Variants in LRBA observed in about 807,000 individuals in gnomAD.
LRBA encodes lipopolysaccharide-responsive and beige-like anchor protein.
In LRBA, 176 loss-of-function variants were observed where a neutral mutation model predicts 330.0. The ratio of observed to expected loss-of-function variants is 0.53; its 90% CI spans 0.47 to 0.60. The LOEUF (loss-of-function observed/expected upper bound fraction) is 0.60, where lower values mean the gene tolerates loss of function less well. Among genes scored for constraint, LRBA ranks in the 20% least tolerant of loss-of-function variants. The pLI is 0.00. For missense variants in LRBA, 3,259 were observed against 3,444.8 expected (o/e 0.95, Z 1.35); for synonymous variants, 1,230 against 1,193.0 (o/e 1.03, Z -0.64).
chr4:150,755,433 T>A (rs1383498473), intron 35 of LRBA, among the ~76,000 whole-genome samples: 1 of 152,202 alleles, frequency 6.6e-6, no homozygotes, highest in African/African-American at 2.4e-5. Flanking sequence ...GCAGCACATC[T>A]AAAAGTAAAG....
chr4:150,375,029 A>G (rs1741033953), intron 47 of LRBA, among the ~76,000 whole-genome samples: 1 of 152,166 alleles, frequency 6.6e-6, no homozygotes, highest in Non-Finnish European at 1.5e-5. Flanking sequence ...ATTTTGAGAA[A>G]CCTGCAGGCT....
At chr4:150,625,532 A>G (rs1776760659) in intron 37 of LRBA, among the ~76,000 whole-genome samples, 1 of 152,034 alleles carries the variant, frequency 6.6e-6, no homozygotes, top group South Asian at 2.1e-4. Context: ...AACCTGCTCC[A>G]CTGTTCACAA....
At chr4:150,891,916 C>T (rs1257956139) in intron 17 of LRBA, among the ~76,000 whole-genome samples, 2 of 152,136 alleles carry the variant, frequency 1.3e-5, no homozygotes, top group African/African-American at 4.8e-5. Flanking sequence ...CATGGTGAGA[C>T]TTTGTCTCTA....
At chr4:150,876,920 T>A (rs748165230) in intron 17 of LRBA, among the ~76,000 whole-genome samples, 34 of 152,130 alleles carry the variant, frequency 2.2e-4, no homozygotes, top group Non-Finnish European at 3.7e-4. Context: ...AATGGCATAT[T>A]GGATAAAAAA....
chr4:150,734,266 A>T (rs1730892881), intron 36 of LRBA, among the ~76,000 whole-genome samples: 1 of 152,002 alleles, frequency 6.6e-6, no homozygotes, highest in Non-Finnish European at 1.5e-5. Context: ...GCAGGTAGAT[A>T]TCCTAAAGTA....
At chr4:150,689,449 A>G (rs2126944320) in intron 36 of LRBA, among the ~76,000 whole-genome samples, 1 of 152,218 alleles carries the variant, frequency 6.6e-6, no homozygotes, top group African/African-American at 2.4e-5. Flanking sequence ...CCCAGAACTT[A>G]AAGTATAATA....
intron 37 of LRBA, among the ~76,000 whole-genome samples, chr4:150,640,642 T>A (rs1176747669): frequency 5.3e-5 from 8 of 152,158 alleles, no homozygotes; most frequent in Non-Finnish European, 1.0e-4. Context: ...TAAATATATC[T>A]CCTGCTCACC....
At chr4:150,266,831 A>C (rs879427640) in intron 56 of LRBA, among the ~76,000 whole-genome samples, 1 of 152,224 alleles carries the variant, frequency 6.6e-6, no homozygotes, top group Non-Finnish European at 1.5e-5. Context: ...CCCACTTGAG[A>C]TCTAAAGACA....
intron 40 of LRBA, among the ~76,000 whole-genome samples, chr4:150,501,034 C>CT (rs1385494063): frequency 6.6e-6 from 1 of 152,162 alleles, no homozygotes; most frequent in East Asian, 1.9e-4. Context: ...AAATGCTATG[C>CT]TCACATTTGC....
At chr4:151,009,714 C>T (rs987273483) in intron 2 of LRBA, among the ~76,000 whole-genome samples, 1 of 152,148 alleles carries the variant, frequency 6.6e-6, no homozygotes, top group Admixed American at 6.6e-5. Flanking sequence ...GGCGCGGTGG[C>T]TCACGCCTGT....
intron 40 of LRBA, among the ~76,000 whole-genome samples, chr4:150,550,178 AAAACTTT>A (rs1181546890): frequency 2.6e-5 from 4 of 152,336 alleles, no homozygotes; most frequent in African/African-American, 7.2e-5. Context: ...TATGTAAAGT[AAAACTTT>A]AAACACTGTA....
At chr4:150,971,692 T>C (rs1365125799) in intron 2 of LRBA, among the ~76,000 whole-genome samples, 1 of 152,190 alleles carries the variant, frequency 6.6e-6, no homozygotes, top group Non-Finnish European at 1.5e-5. Context: ...TAATACTAAA[T>C]TTTATGTAAC....
intron 37 of LRBA, among the ~76,000 whole-genome samples, chr4:150,622,688 C>CT (rs10528461): frequency 0.019 from 2,049 of 105,518 alleles, 93 homozygotes; most frequent in African/African-American, 0.03. Flanking sequence ...CTAAATCAAT[C>CT]TTTTTTTTTT....
At chr4:150,296,855 A>G (rs1050392613) in intron 53 of LRBA, among the ~76,000 whole-genome samples, 11 of 152,142 alleles carry the variant, frequency 7.2e-5, no homozygotes, top group Admixed American at 7.2e-4. Context: ...GGAAGCTTTA[A>G]TTAAGTGTAT....
chr4:150,425,541 T>C (rs1259730778), intron 46 of LRBA, among the ~76,000 whole-genome samples: 1 of 152,198 alleles, frequency 6.6e-6, no homozygotes, highest in African/African-American at 2.4e-5. Context: ...AAGGCTTTCA[T>C]GGCATAATGA....
chr4:150,625,898 C>A (rs1295469559), intron 37 of LRBA, among the ~76,000 whole-genome samples: 1 of 151,560 alleles, frequency 6.6e-6, no homozygotes, highest in Non-Finnish European at 1.5e-5. Context: ...TTAGTAGAGA[C>A]AGGGTTTCGC....
Position 150,852,311 on chromosome 4 carries a change from ACTGT to A in LRBA, c.3395_3398del (p.Asn1132IlefsTer22). 1 of 1,614,016 alleles carries A rather than the reference ACTGT, an allele frequency of 6.2e-7. No homozygotes were observed. The highest frequency in any genetic ancestry group is 8.5e-7 in the Non-Finnish European group (1 of 1,180,008). On this transcript the variant is annotated frameshift_variant, in exon 23 of 57. Transcript: ENST00000651943. LOFTEE classifies it high-confidence loss of function. ...CGGCTTCAGATGCAGCTGGAGACAA[ACTGT>A]TATCTTGGAGCTCTGTGGGTAGATT...
intron 47 of LRBA, among the ~76,000 whole-genome samples, chr4:150,374,498 G>T (rs1442544382): frequency 6.6e-6 from 1 of 152,164 alleles, no homozygotes; most frequent in East Asian, 1.9e-4. Flanking sequence ...TCAGACTCCT[G>T]CTCTCTGTAC....
chr4:150,871,264 T>C lies in LRBA; in HGVS notation c.2367+81A>G, dbSNP rs1360297445. ...TCTCAAAAAATAAAATAAAAATAAA[T>C]GATCTTATTTACCTACACAATGTTA... On this transcript the variant is annotated intron_variant, in intron 19 of 56. Coordinates refer to ENST00000651943, the MANE Select transcript of LRBA (RefSeq NM_001364905.1). The C allele has an allele frequency of 8.2e-6, 6 of 735,820 alleles. No individual in the cohort carries two copies. In the South Asian group the frequency reaches 9.1e-5, roughly 11 times the overall value. 45.6% of individuals were successfully genotyped at this position (735,820 alleles called of 1,614,324 possible).
Sources: allele counts gnomAD v4.1 joint callset (sites outside exome capture counted in the v4.1 genomes callset), GRCh38; gene constraint gnomAD v4.1.1; transcripts MANE v1.5; gene names NCBI Gene and HGNC (gene_info 2026-07-23, HGNC 2026-07-21).